Variants in CRPPA observed in about 807,000 individuals in gnomAD.
CRPPA encodes the protein CDP-L-ribitol pyrophosphorylase A, also known as D-ribitol-5-phosphate cytidylyltransferase.
Under a neutral mutation model 52.0 loss-of-function variants are expected in CRPPA, and 43 were observed. The observed-to-expected ratio is 0.83, with a 90% CI of 0.65 to 1.07. The LOEUF is 1.07. Among genes scored for constraint, CRPPA ranks in the 50% least tolerant of loss-of-function variants. The pLI, the probability that CRPPA is intolerant of heterozygous loss-of-function variation, is 0.00. For synonymous variants in CRPPA, 250 were observed against 203.5 expected (o/e 1.23, Z -1.94); for missense variants, 629 against 551.7 (o/e 1.14, Z -1.40).
At position 16,088,884 on chromosome 7, in the gene CRPPA, G is replaced by T. The variant is rs1047452129; in HGVS notation, c.*2811C>A. The T allele has an allele frequency of 6.8e-5, 12 of 176,602 alleles. No homozygotes were observed. The highest frequency in any genetic ancestry group is 2.6e-4 in the African/African-American group (11 of 42,056). The allele number at this position is 176,602 out of a possible 1,614,324, so 10.9% of individuals were successfully genotyped here. A position where few individuals can be genotyped will look rare whatever the true frequency, so the allele number is the denominator to read the frequency against. ...GTGTCCCACCCTTCTTGTCCATTTC[G>T]CCAATGTTCATTCAGTGCCTCTGGC... On this transcript the variant is annotated 3_prime_UTR_variant, in exon 10 of 10. Transcript: ENST00000407010.
intron 3 of CRPPA, among the ~76,000 whole-genome samples, chr7:16,330,529 G>A (rs1379963391): frequency 2.0e-5 from 3 of 152,128 alleles, no homozygotes; most frequent in Non-Finnish European, 1.5e-5. Context: ...GGAGGAACAA[G>A]TGCCTGCATA....
At chr7:16,192,267 T>A (rs931719390) in intron 9 of CRPPA, among the ~76,000 whole-genome samples, 1 of 152,042 alleles carries the variant, frequency 6.6e-6, no homozygotes, top group Non-Finnish European at 1.5e-5. Flanking sequence ...CCCTTAAGAA[T>A]ATATATATTC....
At chr7:16,256,252 G>A (rs1198874583) in intron 8 of CRPPA, among the ~76,000 whole-genome samples, 2 of 152,192 alleles carry the variant, frequency 1.3e-5, no homozygotes, top group African/African-American at 4.8e-5. Flanking sequence ...ACACCAGTTA[G>A]AATGGCAATC....
intron 8 of CRPPA, among the ~76,000 whole-genome samples, chr7:16,222,029 A>G (rs2128400438): frequency 6.6e-6 from 1 of 151,268 alleles, no homozygotes; most frequent in African/African-American, 2.4e-5. Flanking sequence ...CACAATAGCA[A>G]AGACTTGGAA....
At chr7:16,328,798 A>G (rs1052632110) in intron 3 of CRPPA, among the ~76,000 whole-genome samples, 1 of 152,206 alleles carries the variant, frequency 6.6e-6, no homozygotes, top group Admixed American at 6.5e-5. Context: ...TACAAGCATG[A>G]GCCACCATGC....
chr7:16,307,207 T>C (rs1056484959), intron 4 of CRPPA, among the ~76,000 whole-genome samples: 4 of 152,184 alleles, frequency 2.6e-5, no homozygotes, highest in African/African-American at 7.2e-5. Context: ...TATTTCAAGA[T>C]TATGAAATAA....
At chr7:16,207,801 A>G (rs1782007800) in intron 9 of CRPPA, among the ~76,000 whole-genome samples, 1 of 152,226 alleles carries the variant, frequency 6.6e-6, no homozygotes, top group South Asian at 2.1e-4. Context: ...TCATTGATAT[A>G]AGTAATAGAG....
chr7:16,285,839 G>A (rs1177248115), intron 5 of CRPPA, among the ~76,000 whole-genome samples: 1 of 150,446 alleles, frequency 6.6e-6, no homozygotes, highest in Non-Finnish European at 1.5e-5. Flanking sequence ...CCTGGCTAAG[G>A]TGAAACCCCA....
intron 9 of CRPPA, among the ~76,000 whole-genome samples, chr7:16,150,042 C>A (rs992469263): frequency 1.3e-5 from 2 of 151,026 alleles, no homozygotes; most frequent in Admixed American, 6.6e-5. Context: ...CTGATAGATA[C>A]AGCTTATTTT....
At chr7:16,214,595 C>T (rs772136090) in intron 9 of CRPPA, among the ~76,000 whole-genome samples, 1 of 152,110 alleles carries the variant, frequency 6.6e-6, no homozygotes, top group African/African-American at 2.4e-5. Context: ...GCCTCCGCCT[C>T]CCAGATTCAA....
At chr7:16,200,159 G>C (rs566656569) in intron 9 of CRPPA, among the ~76,000 whole-genome samples, 37 of 152,280 alleles carry the variant, frequency 2.4e-4, no homozygotes, top group African/African-American at 8.9e-4. Context: ...TGCCCGGCCA[G>C]ATCTGTAGAC....
chr7:16,173,119 A>G (rs533459840), intron 9 of CRPPA, among the ~76,000 whole-genome samples: 1 of 152,298 alleles, frequency 6.6e-6, no homozygotes, highest in East Asian at 1.9e-4. Flanking sequence ...GCATTATCTG[A>G]GAATCTTGCT....
chr7:16,101,294 T>C (rs1248836347), intron 9 of CRPPA, among the ~76,000 whole-genome samples: 1 of 152,212 alleles, frequency 6.6e-6, no homozygotes, highest in Non-Finnish European at 1.5e-5. Flanking sequence ...GGGCTTTTTT[T>C]GGTTGGTAGG....
At chr7:16,165,828 A>T (rs1781052927) in intron 9 of CRPPA, among the ~76,000 whole-genome samples, 2 of 152,246 alleles carry the variant, frequency 1.3e-5, no homozygotes, top group African/African-American at 4.8e-5. Context: ...GGTCAGATGC[A>T]CTTCTACAGA....
At position 16,134,428 on chromosome 7, in the gene CRPPA, A is replaced by C. The variant is rs1441483105; in HGVS notation, c.1252-42629T>G. ...TCCTCCCACCGACCTCTGTCCATGG[A>C]AAAATTGTCTTCCATGAAACTGGTC... On this transcript the variant is annotated intron_variant, in intron 9 of 9. Transcript: ENST00000407010. Among the ~76,000 whole-genome samples the C allele has an allele frequency of 1.3e-5, 2 of 151,046 alleles. 1 individual carries two copies. Among genetic ancestry groups the C allele is most frequent in the Non-Finnish European group, 3.0e-5 (2 of 67,712 alleles).
chr7:16,409,459 G>C (rs1192356337), intron 1 of CRPPA, among the ~76,000 whole-genome samples: 3 of 152,212 alleles, frequency 2.0e-5, no homozygotes, highest in Admixed American at 6.5e-5. Context: ...AGGATGCAGA[G>C]AGACCAGGTA....
rs1271474858 is a variant in CRPPA, at chr7:16,089,590, T to C, written c.*2105A>G. 2 of 229,556 alleles carry C rather than the reference T, an allele frequency of 8.7e-6. No individual in the cohort carries two copies. Among genetic ancestry groups the C allele is most frequent in the Admixed American group, 9.0e-5 (2 of 22,316 alleles). The allele number at this position is 229,556 out of a possible 1,614,324, so 14.2% of individuals were successfully genotyped here. On this transcript the variant is annotated 3_prime_UTR_variant, in exon 10 of 10. Transcript: ENST00000407010. ...ACATATATATGGGTATACATGCATG[T>C]ATATACATATATATGGGTATACATA...
At chr7:16,174,802 T>C (rs1453034814) in intron 9 of CRPPA, among the ~76,000 whole-genome samples, 3 of 152,198 alleles carry the variant, frequency 2.0e-5, no homozygotes, top group African/African-American at 7.2e-5. Context: ...TCAGTTAATA[T>C]ATTCCAAGCA....
At chr7:16,099,779 ATAAAG>A (rs1222486658) in intron 9 of CRPPA, among the ~76,000 whole-genome samples, 5 of 152,242 alleles carry the variant, frequency 3.3e-5, no homozygotes, top group African/African-American at 9.6e-5. Flanking sequence ...TAAATCAATC[ATAAAG>A]TAAATTCCAC....
Sources: allele counts gnomAD v4.1 joint callset (sites outside exome capture counted in the v4.1 genomes callset), GRCh38; gene constraint gnomAD v4.1.1; transcripts MANE v1.5; gene names NCBI Gene and HGNC (gene_info 2026-07-23, HGNC 2026-07-21).